The following METTL6 variants were observed in gnomAD, a reference collection of about 807,000 sequenced individuals.
METTL6 encodes the protein methyltransferase 6, tRNA N3-cytidine, also known as tRNA N(3)-cytidine methyltransferase METTL6.
In METTL6, 22 loss-of-function variants were observed where a neutral mutation model predicts 26.4. The observed-to-expected ratio is 0.83, with a 90% CI of 0.59 to 1.19. METTL6 has a LOEUF of 1.19. METTL6 is among the 50% of genes most tolerant of loss of function. The probability of loss-of-function intolerance (pLI) is 0.00; values close to 1 mark genes in which losing one functional copy is unlikely to be tolerated. For synonymous variants in METTL6, 109 were observed against 116.2 expected, an observed-to-expected ratio of 0.94 and a Z score of 0.40; for missense variants, 304 against 324.8, an observed-to-expected ratio of 0.94 and a Z score of 0.49.
intron 3 of METTL6, among the ~76,000 whole-genome samples, chr3:15,424,254 T>C (rs1252312582): frequency 2.0e-5 from 3 of 152,082 alleles, no homozygotes; most frequent in African/African-American, 7.2e-5. Flanking sequence ...GTTAATAACA[T>C]TGGGGGATTA....
chr3:15,412,905 A>G (rs1206746361), intron 5 of METTL6, among the ~76,000 whole-genome samples: 1 of 152,218 alleles, frequency 6.6e-6, no homozygotes, highest in African/African-American at 2.4e-5. Context: ...GACACCTAAA[A>G]GACCAAAATA....
chr3:15,415,680 G>A, intron 4 of METTL6, 92 bp downstream of exon 4: 1 of 1,598,316 alleles, frequency 6.3e-7, no homozygotes, highest in Non-Finnish European at 8.6e-7. Flanking sequence ...GAGAGACTAT[G>A]TGAATCTAGA....
downstream of METTL6, among the ~76,000 whole-genome samples, chr3:15,409,296 C>A (rs1161345356): frequency 6.6e-6 from 1 of 152,176 alleles, no homozygotes; most frequent in Non-Finnish European, 1.5e-5. Context: ...GCAGTCCAGT[C>A]ATGTACTCAA....
rs192474631 is a variant in METTL6, at chr3:15,400,612, A to G, written c.*11+10633T>C. ...AAATAGCATTTCTAGTAGAATTGTCACAAGGATTTTAGTACACTTAAGAAG... is the reference window on the plus strand; with the variant it reads ...AAATAGCATTTCTAGTAGAATTGTCGCAAGGATTTTAGTACACTTAAGAAG... On this transcript the variant is annotated intron_variant, in intron 6 of 6. Coordinates refer to the METTL6 transcript ENST00000443029. 1.4e-3 allele frequency among the ~76,000 whole-genome samples: 219 copies of G among 152,346 alleles called. 1 individual carries two copies. The highest frequency in any genetic ancestry group is 2.0e-3 in the Non-Finnish European group (139 of 68,032).
rs373203065 is a variant in METTL6 at position 15,414,131 on chromosome 3, C to G, written c.563G>C (p.Arg188Pro). The G allele has an allele frequency of 3.7e-6, 6 of 1,613,032 alleles. No individual in the cohort carries two copies. The highest frequency in any genetic ancestry group is 5.1e-6 in the Non-Finnish European group (6 of 1,179,758). Reference sequence around the variant, plus strand: ...GGCATGATCATACAGTCCGTAGTCACGAAACAAGACACTTTTGCCTGGTTT... The same window carrying G: ...GGCATGATCATACAGTCCGTAGTCAGGAAACAAGACACTTTTGCCTGGTTT... Reference protein sequence around the residue: ...VLKPGKSVLFRDYGLYDHAML... With the variant: ...VLKPGKSVLFPDYGLYDHAML... The change falls in exon 5 of 6, where the codon CGT becomes CCT. Residue 188 changes from arginine to proline, a missense_variant. By Grantham distance (103) the Arg-to-Pro change is moderately radical. Coordinates refer to ENST00000383790, the MANE Select transcript of METTL6 (RefSeq NM_152396.4).
chr3:15,426,638 T>A lies in METTL6; in HGVS notation c.-124-3A>T. ...CACGCCTCAAACAGCACAGGGGGCT[T>A]CGCAGAGAAAAGAATTAGATTCTGG... On this transcript the variant is annotated splice_region_variant and splice_polypyrimidine_tract_variant and intron_variant, in intron 1 of 5. Transcript: ENST00000383790. 4 of 808,794 alleles carry A rather than the reference T, an allele frequency of 4.9e-6. No individual in the cohort carries two copies. In the South Asian group the frequency reaches 6.9e-5, roughly 14 times the overall value. The allele number at this position is 808,794 out of a possible 1,614,324, so 50.1% of individuals were successfully genotyped here.
At chr3:15,412,659 T>A (rs1365616561) in intron 5 of METTL6, among the ~76,000 whole-genome samples, 4 of 151,894 alleles carry the variant, frequency 2.6e-5, no homozygotes, top group South Asian at 2.1e-4. Flanking sequence ...AATATTTTTT[T>A]TTTTTTATTT....
At chr3:15,388,736 A>G (rs1468084024) in intron 6 of METTL6, among the ~76,000 whole-genome samples, 2 of 152,224 alleles carry the variant, frequency 1.3e-5, no homozygotes, top group East Asian at 3.8e-4. Flanking sequence ...TAGTCCTACA[A>G]AGGCTGTCTA....
chr3:15,427,373 C>A (rs1575446916), intron 1 of METTL6, 29 bp downstream of exon 1: 1 of 252,306 alleles, frequency 4.0e-6, no homozygotes, highest in East Asian at 1.5e-4. Context: ...CCTAAATTCA[C>A]CTGCAGGGCT....
intron 6 of METTL6, among the ~76,000 whole-genome samples, chr3:15,397,346 G>A (rs1699518032): frequency 6.6e-6 from 1 of 152,214 alleles, no homozygotes; most frequent in Admixed American, 6.5e-5. Flanking sequence ...CGCAGTAGTA[G>A]GGTGGGAGTG....
At chr3:15,423,327 A>G (rs2061647149) in intron 3 of METTL6, among the ~76,000 whole-genome samples, 1 of 152,224 alleles carries the variant, frequency 6.6e-6, no homozygotes, top group Non-Finnish European at 1.5e-5. Context: ...CAGGAGGTGG[A>G]GGTTGCAGTA....
chr3:15,406,629 T>G (rs7653205), downstream of METTL6, among the ~76,000 whole-genome samples: 9,698 of 20,372 alleles, frequency 0.48, 2,962 homozygotes, highest in Non-Finnish European at 0.55. Flanking sequence ...TATATATATA[T>G]AGAGAGAGAG....
At chr3:15,405,947 A>G (rs1024814046), downstream of METTL6, among the ~76,000 whole-genome samples, 3 of 152,216 alleles carry the variant, frequency 2.0e-5, no homozygotes, top group East Asian at 5.8e-4. Flanking sequence ...CCATTTATTC[A>G]TATTCCAAAT....
chr3:15,384,165 G>A, exon 7 of METTL6: 1 of 383,686 alleles, frequency 2.6e-6, no homozygotes, highest in Non-Finnish European at 5.0e-6. Flanking sequence ...AAGAATCCCA[G>A]GTTCCAGACT....
At position 15,410,465 on chromosome 3, in the gene METTL6, C is replaced by T. The variant is rs1699922059; in HGVS notation, c.*791G>A. Among the ~76,000 whole-genome samples the T allele has an allele frequency of 1.3e-5, 2 of 152,096 alleles. No individual in the cohort carries two copies. Among genetic ancestry groups the T allele is most frequent in the Admixed American group, 6.6e-5 (1 of 15,256 alleles). On this transcript the variant is annotated 3_prime_UTR_variant, in exon 6 of 6. Transcript: ENST00000383790. ...AGCTGGGACTACAGGCACATGCCACCACATTTGGCTAATTTTTGTATTTTC... is the reference window on the plus strand; with the variant it reads ...AGCTGGGACTACAGGCACATGCCACTACATTTGGCTAATTTTTGTATTTTC...
chr3:15,412,413 T>C (rs57985495), intron 5 of METTL6, among the ~76,000 whole-genome samples: 10,812 of 152,290 alleles, frequency 0.071, 490 homozygotes, highest in African/African-American at 0.12. Flanking sequence ...ATATTTACAA[T>C]TGGTTTAAAT....
At chr3:15,414,698 A>G (rs1394967704) in intron 4 of METTL6, 1 of 341,396 alleles carries the variant, frequency 2.9e-6, no homozygotes, top group African/African-American at 2.2e-5. Context: ...TGGAATGTCC[A>G]GTGTCACAGG....
chr3:15,411,194 C>A lies in METTL6; in HGVS notation c.*62G>T. 2 of 1,546,992 alleles carry A rather than the reference C, an allele frequency of 1.3e-6. No individual in the cohort carries two copies. The highest frequency in any genetic ancestry group is 1.4e-5 in the African/African-American group (1 of 72,610). On this transcript the variant is annotated 3_prime_UTR_variant, in exon 6 of 6. Transcript: ENST00000383790. ...ACAGGCATGAGCCACCGCACCCAGA[C>A]GAAAGAGTGATTTTAAATTTTCCTC...
intron 6 of METTL6, among the ~76,000 whole-genome samples, chr3:15,404,025 A>G (rs1048163284): frequency 6.6e-6 from 1 of 152,196 alleles, no homozygotes; most frequent in African/African-American, 2.4e-5. Context: ...CTTCTTTATT[A>G]CAACCTGCTT....
Sources: allele counts gnomAD v4.1 joint callset (sites outside exome capture counted in the v4.1 genomes callset), GRCh38; gene constraint gnomAD v4.1.1; transcripts MANE v1.5; gene names NCBI Gene and HGNC (gene_info 2026-07-23, HGNC 2026-07-21).